TRIM69: variants seen among roughly 807,000 people sequenced by gnomAD.
TRIM69 encodes the protein tripartite motif containing 69.
A neutral mutation model predicts 37.7 loss-of-function variants in TRIM69; 29 were observed. The observed-to-expected ratio is 0.77, with a 90% CI of 0.57 to 1.05. The LOEUF is 1.05. Among genes scored for constraint, TRIM69 ranks in the 50% least tolerant of loss-of-function variants. TRIM69 has a pLI of 0.00. For missense variants in TRIM69, 596 were observed against 579.9 expected (o/e 1.03, Z -0.28); for synonymous variants, 209 against 212.4 (o/e 0.98, Z 0.14).
chr15:44,744,039 A>G (rs1487634315), intron 1 of TRIM69, among the ~76,000 whole-genome samples: 1 of 152,140 alleles, frequency 6.6e-6, no homozygotes, highest in Non-Finnish European at 1.5e-5. Context: ...CACAATAACA[A>G]AGACTTGGAA....
At chr15:44,760,329 A>G (rs1486604698) in intron 6 of TRIM69, among the ~76,000 whole-genome samples, 1 of 152,188 alleles carries the variant, frequency 6.6e-6, no homozygotes, top group Admixed American at 6.5e-5. Context: ...AAGAAAACCA[A>G]TAATTTAAAT....
rs866951269 is a variant in TRIM69 at position 44,741,805 on chromosome 15, C to T, written c.6+5095C>T. Reference sequence around the variant, plus strand: ...CTCTGAATAGACCAATAACAGGCTCCGAAATTGTGGCAATAATCAATAGCT... The same window carrying T: ...CTCTGAATAGACCAATAACAGGCTCTGAAATTGTGGCAATAATCAATAGCT... On this transcript the variant is annotated intron_variant, in intron 1 of 6. Coordinates refer to ENST00000329464, the MANE Select transcript of TRIM69 (RefSeq NM_182985.5). Among the ~76,000 whole-genome samples, 903 of 152,058 alleles carry T rather than the reference C, an allele frequency of 5.9e-3. 9 individuals carry two copies. Among genetic ancestry groups the T allele is most frequent in the African/African-American group, 0.021 (858 of 41,478 alleles).
At position 44,754,728 on chromosome 15, in the gene TRIM69, C is replaced by T. The variant is rs143842368; in HGVS notation, c.7-172C>T. 1,319 of 629,362 alleles carry T rather than the reference C, an allele frequency of 2.1e-3. 12 individuals carry two copies. Among genetic ancestry groups the T allele is most frequent in the African/African-American group, 0.013 (738 of 54,790 alleles). The allele number at this position is 629,362 out of a possible 1,614,324, so 39.0% of individuals were successfully genotyped here. A position where few individuals can be genotyped will look rare whatever the true frequency, so the allele number is the denominator to read the frequency against. On this transcript the variant is annotated intron_variant, in intron 1 of 6. Transcript: ENST00000329464. Reference sequence around the variant, plus strand: ...TTATTAAAGTTTAAATAGCATCATACGCTATAATTTCAGAAAACACTCAAG... The same window carrying T: ...TTATTAAAGTTTAAATAGCATCATATGCTATAATTTCAGAAAACACTCAAG...
At chr15:44,747,490 C>T (rs913422347) in intron 1 of TRIM69, among the ~76,000 whole-genome samples, 4 of 152,014 alleles carry the variant, frequency 2.6e-5, no homozygotes, top group Middle Eastern at 3.4e-3. Flanking sequence ...GAGAAAATGT[C>T]CAAAGCAAAG....
chr15:44,763,529 G>A (rs554919714), intron 6 of TRIM69, among the ~76,000 whole-genome samples: 2 of 152,248 alleles, frequency 1.3e-5, no homozygotes, highest in South Asian at 2.1e-4. Context: ...CACAGCCCAC[G>A]CTTAAGGAGG....
At chr15:44,738,069 T>C (rs2087200737) in intron 1 of TRIM69, among the ~76,000 whole-genome samples, 1 of 101,922 alleles carries the variant, frequency 9.8e-6, no homozygotes. Flanking sequence ...TTTTTTTTTT[T>C]TTTTTTTAGG....
chr15:44,736,737 T>C, intron 1 of TRIM69, 27 bp downstream of exon 1: 3 of 1,607,820 alleles, frequency 1.9e-6, no homozygotes, highest in Non-Finnish European at 2.5e-6. Flanking sequence ...TTTTTTAACT[T>C]AGCAGGGCTT....
At chr15:44,758,448 G>C (rs1401496052) in intron 3 of TRIM69, 173 bp from the exon 4 acceptor site, 2 of 979,880 alleles carry the variant, frequency 2.0e-6, no homozygotes, top group Non-Finnish European at 2.9e-6. Flanking sequence ...TGGAAAAGGA[G>C]TAAGTCTCCC....
intron 1 of TRIM69, among the ~76,000 whole-genome samples, chr15:44,745,746 G>C (rs2087392801): frequency 6.6e-6 from 1 of 152,120 alleles, no homozygotes; most frequent in African/African-American, 2.4e-5. Context: ...GTGTTGAAAA[G>C]CATAATAACT....
chr15:44,760,891 T>G (rs933763771), intron 6 of TRIM69, among the ~76,000 whole-genome samples: 1 of 152,136 alleles, frequency 6.6e-6, no homozygotes, highest in African/African-American at 2.4e-5. Flanking sequence ...TGTAGTGTTT[T>G]GTGTCTTCTG....
chr15:44,762,003 C>CTA (rs947029265), intron 6 of TRIM69, among the ~76,000 whole-genome samples: 10 of 152,254 alleles, frequency 6.6e-5, no homozygotes, highest in Admixed American at 5.9e-4. Flanking sequence ...GAGTCTCACT[C>CTA]TGTCACCCAG....
chr15:44,758,747 A>G lies in TRIM69; in HGVS notation c.706A>G (p.Met236Val). 4 of 1,614,130 alleles carry G rather than the reference A, an allele frequency of 2.5e-6. No individual in the cohort carries two copies. Among genetic ancestry groups the G allele is most frequent in the Non-Finnish European group, 3.4e-6 (4 of 1,180,018 alleles). The change falls in exon 4 of 7, where the codon ATG becomes GTG. Residue 236 changes from methionine to valine, a missense_variant. Transcript: ENST00000329464. Reference protein sequence around the residue: ...REEGKALNEEMELNLSQLQEQ... With the variant: ...REEGKALNEEVELNLSQLQEQ... ...AGAGGGGAAAGCCTTGAATGAGGAGATGGAGTTGAATCTGAGCCAGCTTCA... is the reference window on the plus strand; with the variant it reads ...AGAGGGGAAAGCCTTGAATGAGGAGGTGGAGTTGAATCTGAGCCAGCTTCA...
At chr15:44,749,638 A>G (rs148335646) in intron 1 of TRIM69, among the ~76,000 whole-genome samples, 2 of 152,322 alleles carry the variant, frequency 1.3e-5, no homozygotes, top group East Asian at 1.9e-4. Context: ...GTTAATGTGC[A>G]TTTGGATTGC....
At chr15:44,752,965 A>G (rs2087566554) in intron 1 of TRIM69, 1 of 152,130 alleles carries the variant, frequency 6.6e-6, no homozygotes, top group African/African-American at 2.4e-5. Flanking sequence ...CTCTTTATAC[A>G]TTGCATATCC....
Position 44,767,763 on chromosome 15 carries a change from T to C in TRIM69, c.1494T>C (p.His498=), listed in dbSNP as rs1286648925. 1.2e-6 allele frequency: 2 copies of C among 1,610,472 alleles called. No individual in the cohort carries two copies. The highest frequency in any genetic ancestry group is 2.2e-5 in the East Asian group (1 of 44,888). ...GENKEPLHIL[H]PQ ...ATAAAGAACCATTGCACATCTTACA[T>C]CCACAGTAATGAGTCATAATATTAT... Residue 498 remains histidine (H), a synonymous_variant, in exon 7 of 7, where the codon CAT becomes CAC. Coordinates refer to ENST00000329464, the MANE Select transcript of TRIM69 (RefSeq NM_182985.5).
intron 1 of TRIM69, among the ~76,000 whole-genome samples, chr15:44,746,764 ACAC>A (rs2087417281): frequency 6.6e-6 from 1 of 152,056 alleles, no homozygotes; most frequent in Non-Finnish European, 1.5e-5. Flanking sequence ...ACACACACAC[ACAC>A]ACACACACAC....
chr15:44,756,742 G>T, intron 3 of TRIM69: 1 of 286,810 alleles, frequency 3.5e-6, no homozygotes, highest in Admixed American at 5.6e-5. Context: ...AATGTGTCTG[G>T]TCTTTGGCTT....
intron 1 of TRIM69, among the ~76,000 whole-genome samples, chr15:44,738,375 A>C (rs1181634275): frequency 1.3e-5 from 2 of 151,640 alleles, no homozygotes; most frequent in East Asian, 3.9e-4. Flanking sequence ...TGACCTGCTG[A>C]TGTGCTTTCT....
At chr15:44,758,578 T>C (rs1411771716) in intron 3 of TRIM69, 43 bp from the exon 4 acceptor site, 3 of 1,608,906 alleles carry the variant, frequency 1.9e-6, no homozygotes, top group Non-Finnish European at 2.5e-6. Flanking sequence ...CCCCAAGCAC[T>C]AGTCTCTGCA....
Sources: gnomAD v4.1 joint callset for allele counts (sites outside exome capture counted in the v4.1 genomes callset) on GRCh38, gnomAD v4.1.1 for gene constraint, MANE v1.5 for transcripts, NCBI Gene and HGNC (gene_info 2026-07-23, HGNC 2026-07-21) for gene names.